Variants in PAK3 observed in about 807,000 individuals in gnomAD.
PAK3 encodes the protein serine/threonine-protein kinase PAK 3.
PAK3 carries 4 observed loss-of-function variants against 41.0 expected under a neutral mutation model. That is an observed-to-expected ratio of 0.10 (90% CI 0.05 to 0.22). The LOEUF (loss-of-function observed/expected upper bound fraction) is 0.22. PAK3 is among the 10% of genes least tolerant of loss of function. The pLI is 1.00. For synonymous variants in PAK3, 146 were observed against 139.6 expected (o/e 1.05, Z -0.32); for missense variants, 205 against 409.9 (o/e 0.50, Z 4.32).
chrX:111,207,846 G>C (rs377347937), intron 16 of PAK3, among the ~76,000 whole-genome samples: 2 of 112,297 alleles, frequency 1.8e-5, no homozygotes, highest in African/African-American at 6.5e-5. Context: ...CCAGGCTGGA[G>C]TGCAGTTGTG....
At chrX:111,096,970 T>A (rs2093011763) in intron 1 of PAK3, among the ~76,000 whole-genome samples, 1 of 109,620 alleles carries the variant, frequency 9.1e-6, no homozygotes, top group African/African-American at 3.3e-5. Flanking sequence ...TTTCTTTTAT[T>A]TTTCTTTATC....
At chrX:111,027,764 C>T (rs1174524475) in intron 1 of PAK3, among the ~76,000 whole-genome samples, 1 of 110,301 alleles carries the variant, frequency 9.1e-6, no homozygotes, top group East Asian at 2.8e-4. Flanking sequence ...TGTGAAGATT[C>T]CTTAAAGAAG....
chrX:111,098,975 G>T (rs919030118), intron 3 of PAK3, among the ~76,000 whole-genome samples: 1 of 110,310 alleles, frequency 9.1e-6, no homozygotes, highest in East Asian at 2.9e-4. Context: ...GAATGGACTC[G>T]TCTGCCAAGT....
intron 1 of PAK3, among the ~76,000 whole-genome samples, chrX:111,066,381 G>A (rs1222790379): frequency 8.9e-6 from 1 of 112,139 alleles, no homozygotes; most frequent in Admixed American, 9.5e-5. Flanking sequence ...GTGGTTTTGA[G>A]AGATTTTGGC....
At chrX:111,075,975 C>G (rs2092781543) in intron 1 of PAK3, among the ~76,000 whole-genome samples, 1 of 112,640 alleles carries the variant, frequency 8.9e-6, no homozygotes, top group Admixed American at 9.4e-5. Flanking sequence ...TGCATGGGGC[C>G]TATTGCCCTT....
intron 1 of PAK3, among the ~76,000 whole-genome samples, chrX:110,946,964 C>A (rs1450338471): frequency 2.7e-5 from 3 of 112,128 alleles, no homozygotes; most frequent in Non-Finnish European, 3.8e-5. Context: ...ATAATAACTG[C>A]TCTAATGCTC....
chrX:111,129,383 A>G (rs997181291), intron 5 of PAK3, among the ~76,000 whole-genome samples: 14 of 111,432 alleles, frequency 1.3e-4, no homozygotes, highest in Non-Finnish European at 2.3e-4. Flanking sequence ...GGTTCTGCAA[A>G]TGTAGCCCAT....
chrX:111,096,899 C>CACACACACAA (rs1238996627), intron 1 of PAK3, among the ~76,000 whole-genome samples: 1 of 108,864 alleles, frequency 9.2e-6, no homozygotes, highest in Non-Finnish European at 1.9e-5. Context: ...CACACACACA[C>CACACACACAA]ACACACACAC....
chrX:111,152,752 T>C (rs946050443), intron 8 of PAK3: 1 of 186,542 alleles, frequency 5.4e-6, no homozygotes, highest in Non-Finnish European at 1.0e-5. Flanking sequence ...AGAACTAATA[T>C]GGAATCTGCC....
chrX:110,945,238 T>C (rs1468409877), intron 1 of PAK3, among the ~76,000 whole-genome samples: 2 of 111,649 alleles, frequency 1.8e-5, no homozygotes, highest in Non-Finnish European at 1.9e-5. Flanking sequence ...TGTGTGTGTG[T>C]GTGCGTGTGT....
At chrX:111,219,190 AAATAAT>A (rs3062744) in intron 17 of PAK3, among the ~76,000 whole-genome samples, 954 of 84,385 alleles carry the variant, frequency 0.011, 12 homozygotes, top group African/African-American at 0.022. Context: ...AGTCCATCTC[AAATAAT>A]AATAATAATA....
chrX:110,966,346 C>T (rs182710116), intron 1 of PAK3, among the ~76,000 whole-genome samples: 2,070 of 110,522 alleles, frequency 0.019, 57 homozygotes, highest in African/African-American at 0.063. Context: ...TTAATTCTAC[C>T]GCCTCTACAG....
chrX:111,036,629 C>G, intron 1 of PAK3, among the ~76,000 whole-genome samples: 1 of 112,074 alleles, frequency 8.9e-6, no homozygotes, highest in Non-Finnish European at 1.9e-5. Flanking sequence ...ATTATTATAT[C>G]AAGGTGAGAT....
intron 1 of PAK3, among the ~76,000 whole-genome samples, chrX:110,974,795 G>C (rs1348653696): frequency 8.9e-6 from 1 of 111,862 alleles, no homozygotes; most frequent in East Asian, 2.8e-4. Flanking sequence ...GGGAAGCAAG[G>C]CTGGTTCAAC....
At chrX:111,003,263 G>C (rs905396987) in intron 1 of PAK3, among the ~76,000 whole-genome samples, 1 of 111,571 alleles carries the variant, frequency 9.0e-6, no homozygotes, top group Non-Finnish European at 1.9e-5. Context: ...GGGAGGGAGG[G>C]TGTAGCCAGT....
intron 1 of PAK3, among the ~76,000 whole-genome samples, chrX:110,946,794 A>T (rs1214863759): frequency 8.9e-6 from 1 of 112,669 alleles, no homozygotes; most frequent in African/African-American, 3.2e-5. Context: ...TATTAAATCC[A>T]TTGGCTGTGA....
At chrX:111,040,547 G>A (rs1307020003) in intron 1 of PAK3, among the ~76,000 whole-genome samples, 1 of 111,694 alleles carries the variant, frequency 9.0e-6, no homozygotes, top group Non-Finnish European at 1.9e-5. Context: ...GACAAATCAT[G>A]GTTCACACTC....
chrX:111,076,475 T>C (rs1185539312), intron 1 of PAK3, among the ~76,000 whole-genome samples: 1 of 112,037 alleles, frequency 8.9e-6, no homozygotes. Flanking sequence ...TCTTGTGATA[T>C]GATGTGTCTG....
At chrX:111,185,953 A>G (rs921173803) in intron 11 of PAK3, among the ~76,000 whole-genome samples, 12 of 111,531 alleles carry the variant, frequency 1.1e-4, no homozygotes, top group African/African-American at 3.9e-4. Flanking sequence ...ACCACAATCA[A>G]GTCAGCTTCA....
Sources: gnomAD v4.1 joint callset for allele counts (sites outside exome capture counted in the v4.1 genomes callset) on GRCh38, gnomAD v4.1.1 for gene constraint, MANE v1.5 for transcripts, NCBI Gene and HGNC (gene_info 2026-07-23, HGNC 2026-07-21) for gene names.